Variants in MPP7 observed in about 807,000 individuals in gnomAD.
MPP7 encodes the protein MAGUK p55 scaffold protein 7.
A neutral mutation model predicts 76.5 loss-of-function variants in MPP7; 60 were observed. The observed-to-expected ratio is 0.78, with a 90% CI of 0.64 to 0.97. MPP7 has a LOEUF of 0.97. Ranked by LOEUF, MPP7 falls within the 50% of genes least tolerant of loss-of-function variation. The pLI is 0.00. For synonymous variants in MPP7, 237 were observed against 244.5 expected (o/e 0.97, Z 0.29); for missense variants, 641 against 694.0 (o/e 0.92, Z 0.86).
At chr10:28,307,192 C>T (rs920397981), upstream of MPP7, among the ~76,000 whole-genome samples, 1 of 152,144 alleles carries the variant, frequency 6.6e-6, no homozygotes, top group South Asian at 2.1e-4. Flanking sequence ...AAAGTCTTCA[C>T]CTGCTGTTTA....
At chr10:28,122,475 T>C (rs534577300) in intron 8 of MPP7, among the ~76,000 whole-genome samples, 1 of 152,330 alleles carries the variant, frequency 6.6e-6, no homozygotes, top group African/African-American at 2.4e-5. Context: ...TTTTGATAGT[T>C]TCAGATCTCA....
At position 28,120,804 on chromosome 10, in the gene MPP7, A is replaced by T. The variant is rs916993429; in HGVS notation, c.616-136T>A. On this transcript the variant is annotated intron_variant, in intron 8 of 16. Coordinates refer to ENST00000683449, the MANE Select transcript of MPP7 (RefSeq NM_001318170.2). ...CTCTTAGATAGACTAAACGGAGGAAACTATTTTTGTAGAAATTCCTGTAAT... is the reference window on the plus strand; with the variant it reads ...CTCTTAGATAGACTAAACGGAGGAATCTATTTTTGTAGAAATTCCTGTAAT... 3 of 574,266 alleles carry T rather than the reference A, an allele frequency of 5.2e-6. No homozygotes were observed. The African/African-American group carries it at 5.8e-5, about 11-fold the overall frequency. The allele number at this position is 574,266 out of a possible 1,614,324, so 35.6% of individuals were successfully genotyped here. A position where few individuals can be genotyped will look rare whatever the true frequency, so the allele number is the denominator to read the frequency against.
intron 1 of MPP7, chr10:28,289,409 A>G (rs1053568270): frequency 2.0e-5 from 3 of 152,212 alleles, no homozygotes; most frequent in African/African-American, 7.2e-5. Context: ...AACTCAAGAA[A>G]TATCAAAACA....
chr10:28,228,754 C>A lies in MPP7; in HGVS notation c.37+9814G>T, dbSNP rs1034696967. Among the ~76,000 whole-genome samples the A allele has an allele frequency of 7.4e-4, 112 of 151,484 alleles. 1 individual carries two copies. Among genetic ancestry groups the A allele is most frequent in the Admixed American group, 7.3e-3 (111 of 15,162 alleles). On this transcript the variant is annotated intron_variant, in intron 2 of 16. Coordinates refer to ENST00000683449, the MANE Select transcript of MPP7 (RefSeq NM_001318170.2). The stretch of plus-strand genomic sequence containing the variant: ...CCAGCCTGGGTGACAGAGTGAGACT[C>A]CATCTCAAAAAAAACAGAAAAAAAG...
chr10:28,074,284 CTTTT>C (rs1002948193), intron 12 of MPP7, among the ~76,000 whole-genome samples: 1 of 145,026 alleles, frequency 6.9e-6, no homozygotes, highest in African/African-American at 2.5e-5. Flanking sequence ...CTAGAGCAAC[CTTTT>C]TTTTTTTTAA....
At chr10:28,272,145 T>C (rs1419074289) in intron 1 of MPP7, among the ~76,000 whole-genome samples, 1 of 152,138 alleles carries the variant, frequency 6.6e-6, no homozygotes, top group Non-Finnish European at 1.5e-5. Context: ...TCCATATAGT[T>C]TGACCATGAG....
intron 1 of MPP7, among the ~76,000 whole-genome samples, chr10:28,274,286 T>C (rs1208986503): frequency 6.6e-6 from 1 of 151,576 alleles, no homozygotes; most frequent in Non-Finnish European, 1.5e-5. Context: ...GTATTTTTAG[T>C]AGAGACGGGG....
At chr10:28,131,220 T>C (rs1477432447) in intron 6 of MPP7, among the ~76,000 whole-genome samples, 2 of 152,206 alleles carry the variant, frequency 1.3e-5, no homozygotes, top group Non-Finnish European at 2.9e-5. Context: ...TTGAATTAAG[T>C]ATATAAAATA....
intron 2 of MPP7, among the ~76,000 whole-genome samples, chr10:28,316,495 T>C (rs1589047426): frequency 2.4e-5 from 3 of 124,894 alleles, no homozygotes; most frequent in African/African-American, 9.0e-5. Flanking sequence ...ATGTGAATAA[T>C]GTATGGACTT....
chr10:28,139,236 C>T (rs111430040), intron 5 of MPP7, among the ~76,000 whole-genome samples: 3,273 of 152,268 alleles, frequency 0.021, 96 homozygotes, highest in African/African-American at 0.072. Flanking sequence ...AGCTGCTTAA[C>T]TGATCACAGG....
intron 2 of MPP7, among the ~76,000 whole-genome samples, chr10:28,210,849 T>C (rs1464666115): frequency 6.6e-6 from 1 of 152,242 alleles, no homozygotes; most frequent in Non-Finnish European, 1.5e-5. Flanking sequence ...AGCCATCTCA[T>C]ATGTAAGACC....
Position 28,247,795 on chromosome 10 carries a change from C to T in MPP7, c.-131-9060G>A, listed in dbSNP as rs77169085. Among the ~76,000 whole-genome samples, 682 of 152,254 alleles carry T rather than the reference C, an allele frequency of 4.5e-3. 1 individual carries two copies. The highest frequency in any genetic ancestry group is 7.5e-3 in the Non-Finnish European group (512 of 68,012). ...CTGTATTAGCCCTTTATGTATTAAA[C>T]GGTAGAGACTCTTACATTTGAAGTC... On this transcript the variant is annotated intron_variant, in intron 1 of 16. Transcript: ENST00000683449.
upstream of MPP7, among the ~76,000 whole-genome samples, chr10:28,306,297 A>G (rs1367327366): frequency 6.6e-6 from 1 of 152,228 alleles, no homozygotes; most frequent in Non-Finnish European, 1.5e-5. Context: ...ATTTGGCACA[A>G]TGCTTCAAAG....
At chr10:28,089,362 G>C (rs1203001015) in intron 12 of MPP7, among the ~76,000 whole-genome samples, 1 of 152,086 alleles carries the variant, frequency 6.6e-6, no homozygotes, top group Admixed American at 6.5e-5. Context: ...AACTTGCATT[G>C]TGTTCAAAAA....
upstream of MPP7, among the ~76,000 whole-genome samples, chr10:28,334,848 AT>A (rs1834501752): frequency 6.6e-6 from 1 of 152,218 alleles, no homozygotes; most frequent in African/African-American, 2.4e-5. Flanking sequence ...GAGATAAAAT[AT>A]TTTAAAATTA....
At chr10:28,244,700 C>T (rs1416245284) in intron 1 of MPP7, among the ~76,000 whole-genome samples, 1 of 152,144 alleles carries the variant, frequency 6.6e-6, no homozygotes, top group Non-Finnish European at 1.5e-5. Context: ...AGAGAACATG[C>T]TGCTTTATAA....
chr10:28,331,401 G>T (rs1285745892), intron 1 of MPP7, among the ~76,000 whole-genome samples: 2 of 152,064 alleles, frequency 1.3e-5, no homozygotes, highest in Admixed American at 6.6e-5. Context: ...TATGAATTAT[G>T]ATATGAATTA....
chr10:28,211,456 T>G lies in MPP7; in HGVS notation c.38-9185A>C, dbSNP rs542513109. Reference sequence around the variant, plus strand: ...GTATATTTTTTGCCATATATATATATATATATAGAGAGAGAGAGAGAATTA... The same window carrying G: ...GTATATTTTTTGCCATATATATATAGATATATAGAGAGAGAGAGAGAATTA... On this transcript the variant is annotated intron_variant, in intron 2 of 16. Coordinates refer to ENST00000683449, the MANE Select transcript of MPP7 (RefSeq NM_001318170.2). Among the ~76,000 whole-genome samples, 825 of 149,156 alleles carry G rather than the reference T, an allele frequency of 5.5e-3. 7 individuals carry two copies. The highest frequency in any genetic ancestry group is 0.019 in the African/African-American group (757 of 40,510).
At chr10:28,093,750 T>C (rs921786276) in intron 11 of MPP7, among the ~76,000 whole-genome samples, 2 of 152,070 alleles carry the variant, frequency 1.3e-5, no homozygotes, top group African/African-American at 4.8e-5. Flanking sequence ...CCCAGCCAAG[T>C]TTTTACTTTC....
Sources: gnomAD v4.1 joint callset for allele counts (sites outside exome capture counted in the v4.1 genomes callset) on GRCh38, gnomAD v4.1.1 for gene constraint, MANE v1.5 for transcripts, NCBI Gene and HGNC (gene_info 2026-07-23, HGNC 2026-07-21) for gene names.